The following ELMO1 variants were observed in gnomAD, a reference collection of about 807,000 sequenced individuals.
ELMO1 encodes the protein engulfment and cell motility protein 1.
In ELMO1, 26 loss-of-function variants were observed where a neutral mutation model predicts 98.9. The observed-to-expected ratio is 0.26, with a 90% CI of 0.19 to 0.36. The LOEUF (loss-of-function observed/expected upper bound fraction) is 0.36. Ranked by LOEUF, ELMO1 falls within the 10% of genes least tolerant of loss-of-function variation. ELMO1 has a pLI of 1.00. For synonymous variants in ELMO1, 346 were observed against 346.0 expected (o/e 1.00, Z 0.00); for missense variants, 627 against 935.2 (o/e 0.67, Z 4.30).
intron 1 of ELMO1, among the ~76,000 whole-genome samples, chr7:37,404,288 A>C (rs1803658143): frequency 6.7e-6 from 1 of 150,134 alleles, no homozygotes. Context: ...TCCCCCTTCC[A>C]CCTTCACTCC....
intron 1 of ELMO1, among the ~76,000 whole-genome samples, chr7:37,437,751 T>C (rs113975408): frequency 1.6e-5 from 1 of 63,428 alleles, no homozygotes; most frequent in Non-Finnish European, 3.6e-5. Flanking sequence ...GGGTGGATCA[T>C]GAGGTCAGGA....
chr7:37,155,503 A>ATAAAAAAATAAAAT (rs1554427526), intron 13 of ELMO1, among the ~76,000 whole-genome samples: 4 of 131,778 alleles, frequency 3.0e-5, no homozygotes, highest in African/African-American at 8.1e-5. Context: ...AAAAAAAAAA[A>ATAAAAAAATAAAAT]AAAAAGCAGG....
Position 37,111,377 on chromosome 7 carries a change from A to G in ELMO1, c.1192-14650T>C, listed in dbSNP as rs962202240. ...ATCAAGATCCAGTGGCTGGTGCTAG[A>G]GCAGGCTAACCAGCTGCTGCATCAC... On this transcript the variant is annotated intron_variant, in intron 14 of 21. Coordinates refer to ENST00000310758, the MANE Select transcript of ELMO1 (RefSeq NM_014800.11). Among the ~76,000 whole-genome samples the G allele has an allele frequency of 2.0e-5, 3 of 152,246 alleles. No homozygotes were observed. In the East Asian group the frequency reaches 5.8e-4, roughly 29 times the overall value.
In ELMO1 at chr7:37,336,767, G is replaced by C. The variant is rs572740442; in HGVS notation, c.78+5846C>G. On this transcript the variant is annotated intron_variant, in intron 2 of 21. Coordinates refer to ENST00000310758, the MANE Select transcript of ELMO1 (RefSeq NM_014800.11). ...ACCAAAAAGGGGAGCCCTGTAGAGA[G>C]GTAAATTGTTGTTCATGCAAATATT... Among the ~76,000 whole-genome samples, 9 of 152,148 alleles carry C rather than the reference G, an allele frequency of 5.9e-5. No homozygotes were observed. In the Middle Eastern group the frequency reaches 0.014, roughly 230 times the overall value.
intron 21 of ELMO1, among the ~76,000 whole-genome samples, chr7:36,856,886 G>A (rs2129030242): frequency 6.6e-6 from 1 of 152,310 alleles, no homozygotes; most frequent in South Asian, 2.1e-4. Flanking sequence ...CAACTTTTCT[G>A]CCTCACTAGT....
At chr7:36,955,281 T>C (rs150498259) in intron 16 of ELMO1, among the ~76,000 whole-genome samples, 66 of 152,356 alleles carry the variant, frequency 4.3e-4, no homozygotes, top group Middle Eastern at 3.4e-3. Flanking sequence ...ACATTTTCTC[T>C]ACAGCTGCTT....
chr7:37,434,713 G>C (rs1805074978), intron 1 of ELMO1, among the ~76,000 whole-genome samples: 1 of 152,128 alleles, frequency 6.6e-6, no homozygotes, highest in Admixed American at 6.5e-5. Flanking sequence ...ATCCACGCTG[G>C]AGTGCTCCCT....
chr7:37,246,568 T>A (rs922278421), intron 6 of ELMO1, among the ~76,000 whole-genome samples: 5 of 152,276 alleles, frequency 3.3e-5, no homozygotes, highest in African/African-American at 1.2e-4. Context: ...ACATACAATA[T>A]GGGTCTTCAT....
chr7:36,889,259 T>C (rs974377627), intron 17 of ELMO1, among the ~76,000 whole-genome samples: 3 of 152,234 alleles, frequency 2.0e-5, no homozygotes, highest in Non-Finnish European at 4.4e-5. Context: ...GTCCTAATAA[T>C]AGTTTGGGAC....
At chr7:37,326,554 C>CAA (rs56148707) in intron 2 of ELMO1, among the ~76,000 whole-genome samples, 16 of 102,094 alleles carry the variant, frequency 1.6e-4, no homozygotes, top group African/African-American at 2.9e-4. Flanking sequence ...GACTCCATCT[C>CAA]AAAAAAAAAA....
intron 5 of ELMO1, among the ~76,000 whole-genome samples, chr7:37,264,795 G>T (rs1796158353): frequency 6.6e-6 from 1 of 152,182 alleles, no homozygotes; most frequent in Non-Finnish European, 1.5e-5. Context: ...ACAGGAAAGG[G>T]TACTGGTAGT....
chr7:37,292,961 T>G (rs1455240059), intron 4 of ELMO1, among the ~76,000 whole-genome samples: 34 of 38,272 alleles, frequency 8.9e-4, no homozygotes, highest in Admixed American at 1.5e-3. Flanking sequence ...GTCCGGGAAG[T>G]GAGGGGCGCC....
At chr7:37,114,885 G>A (rs1785480008) in intron 14 of ELMO1, among the ~76,000 whole-genome samples, 1 of 151,866 alleles carries the variant, frequency 6.6e-6, no homozygotes, top group South Asian at 2.1e-4. Context: ...CAAGATGAAA[G>A]GAAAATGATA....
chr7:37,146,961 A>G (rs1035183339), intron 13 of ELMO1, among the ~76,000 whole-genome samples: 2 of 152,106 alleles, frequency 1.3e-5, no homozygotes, highest in Non-Finnish European at 2.9e-5. Context: ...GGGCAAGACA[A>G]TGGCTAGTAA....
At chr7:37,130,312 T>G (rs1256522584) in intron 14 of ELMO1, among the ~76,000 whole-genome samples, 1 of 152,186 alleles carries the variant, frequency 6.6e-6, no homozygotes, top group Non-Finnish European at 1.5e-5. Context: ...GGCTCATGGC[T>G]GGGCATTTGA....
intron 15 of ELMO1, among the ~76,000 whole-genome samples, chr7:37,026,332 G>A (rs1357807744): frequency 6.6e-6 from 1 of 152,130 alleles, no homozygotes; most frequent in African/African-American, 2.4e-5. Context: ...GGGGCTCAGA[G>A]CATTAGCCAC....
intron 14 of ELMO1, among the ~76,000 whole-genome samples, chr7:37,104,059 C>CAAACT (rs1427032070): frequency 1.6e-5 from 2 of 126,428 alleles, no homozygotes; most frequent in African/African-American, 5.8e-5. Context: ...GAGAAAGGAC[C>CAAACT]AAACTAATGT....
At chr7:36,969,165 T>C in intron 16 of ELMO1, among the ~76,000 whole-genome samples, 1 of 151,932 alleles carries the variant, frequency 6.6e-6, no homozygotes, top group East Asian at 1.9e-4. Flanking sequence ...TTAATTATAT[T>C]ATTAAAGTAT....
At chr7:37,232,222 AC>A (rs1794217167) in intron 8 of ELMO1, among the ~76,000 whole-genome samples, 1 of 152,224 alleles carries the variant, frequency 6.6e-6, no homozygotes, top group Admixed American at 6.5e-5. Flanking sequence ...TCTGGCTTGC[AC>A]AGATTCACTG....
Sources: gnomAD v4.1 joint callset for allele counts (sites outside exome capture counted in the v4.1 genomes callset) on GRCh38, gnomAD v4.1.1 for gene constraint, MANE v1.5 for transcripts, NCBI Gene and HGNC (gene_info 2026-07-23, HGNC 2026-07-21) for gene names.